The following SPTBN1 variants were observed in gnomAD, a reference collection of about 807,000 sequenced individuals.
The protein encoded by SPTBN1 is spectrin beta chain, non-erythrocytic 1.
In SPTBN1, 32 loss-of-function variants were observed where a neutral mutation model predicts 266.4. The ratio of observed to expected loss-of-function variants is 0.12; its 90% confidence interval spans 0.09 to 0.16. The LOEUF (loss-of-function observed/expected upper bound fraction) is 0.16. Among genes scored for constraint, SPTBN1 ranks in the 10% least tolerant of loss-of-function variants. The probability of loss-of-function intolerance (pLI) is 1.00; values close to 1 mark genes in which losing one functional copy is unlikely to be tolerated. For synonymous variants in SPTBN1, 1,336 were observed against 1,162.2 expected (o/e 1.15, Z -3.04); for missense variants, 2,296 against 3,067.1 (o/e 0.75, Z 5.94).
chr2:54,577,273 C>T (rs1674556731), intron 2 of SPTBN1, among the ~76,000 whole-genome samples: 2 of 152,146 alleles, frequency 1.3e-5, no homozygotes, highest in Admixed American at 6.5e-5. Context: ...TTGAAGGCCC[C>T]TGCAAATAAA....
At position 54,645,237 on chromosome 2, in the gene SPTBN1, G is replaced by A. The variant is rs1275055292; in HGVS notation, c.4278G>A (p.Glu1426=). The A allele has an allele frequency of 6.2e-7, 1 of 1,614,156 alleles. No homozygotes were observed. The highest frequency in any genetic ancestry group is 8.5e-7 in the Non-Finnish European group (1 of 1,180,026). ...TGCTTCTCTGCCCTCAGATGCTGGA[G>A]AATCAGATGGAAGTGCGGAAGAAGG... ...NILLKKQQML[E]NQMEVRKKEI... is the part of the protein sequence containing the mutation. Residue 1426 remains glutamate, a synonymous_variant, in exon 21 of 36, where the codon GAG becomes GAA. Transcript: ENST00000356805. This position sits in a 1 kb window ranked among gnomAD's most constrained non-coding sequence, Gnocchi z 4.3.
chr2:54,584,846 T>A (rs972058473), intron 2 of SPTBN1, among the ~76,000 whole-genome samples: 2 of 152,096 alleles, frequency 1.3e-5, no homozygotes, highest in African/African-American at 4.8e-5. Context: ...ACACCCAAAC[T>A]GACAAAACTA....
chr2:54,511,473 C>T (rs1669854792), intron 1 of SPTBN1, among the ~76,000 whole-genome samples: 1 of 152,168 alleles, frequency 6.6e-6, no homozygotes, highest in Admixed American at 6.5e-5. Context: ...TCGTGGAAGA[C>T]AGTTTTTCCA....
At chr2:54,620,242 A>G (rs1440339812) in intron 7 of SPTBN1, among the ~76,000 whole-genome samples, 12 of 152,236 alleles carry the variant, frequency 7.9e-5, no homozygotes, top group African/African-American at 2.9e-4. Flanking sequence ...TGCATAAAAA[A>G]TCATAACCTG....
At chr2:54,461,822 C>T (rs1693383449) in intron 1 of SPTBN1, among the ~76,000 whole-genome samples, 1 of 152,194 alleles carries the variant, frequency 6.6e-6, no homozygotes, top group Non-Finnish European at 1.5e-5. Context: ...GATTACATGT[C>T]TTGCGACAAT....
At chr2:54,551,783 C>G (rs1192483996) in intron 2 of SPTBN1, among the ~76,000 whole-genome samples, 1 of 152,170 alleles carries the variant, frequency 6.6e-6, no homozygotes, top group Non-Finnish European at 1.5e-5. Context: ...TTTCATGGAA[C>G]AGAGATAATA....
Position 54,628,673 on chromosome 2 carries a change from A to G in SPTBN1, c.1799-260A>G, listed in dbSNP as rs1678516830. Among the ~76,000 whole-genome samples, 1 of 152,064 alleles carries G rather than the reference A, an allele frequency of 6.6e-6. No individual in the cohort carries two copies. The highest frequency in any genetic ancestry group is 1.5e-5 in the Non-Finnish European group (1 of 68,002). ...TATATGCAGCTGCCTTTTTCATATG[A>G]TTCAAGTGCTTTCTTGCAGGAGGAT... is the stretch of plus-strand genomic sequence containing the variant. On this transcript the variant is annotated intron_variant, in intron 13 of 35. Transcript: ENST00000356805. The surrounding 1 kb of genome is among the most constrained non-coding windows in gnomAD (Gnocchi z 4.3).
intron 1 of SPTBN1, among the ~76,000 whole-genome samples, chr2:54,458,563 T>A (rs1404418770): frequency 6.6e-6 from 1 of 152,228 alleles, no homozygotes; most frequent in Non-Finnish European, 1.5e-5. Context: ...TACATATTTT[T>A]CACAGCTGTG....
intron 2 of SPTBN1, among the ~76,000 whole-genome samples, chr2:54,563,667 G>C (rs189602129): frequency 7.8e-6 from 1 of 128,060 alleles, no homozygotes. Flanking sequence ...GCAGTGGCGC[G>C]ATCTCGGCTC....
chr2:54,504,104 C>T (rs372268615), intron 1 of SPTBN1, among the ~76,000 whole-genome samples: 94 of 152,260 alleles, frequency 6.2e-4, no homozygotes, highest in African/African-American at 1.9e-3. Flanking sequence ...TTCAAATCTC[C>T]GTTAAAGCAA....
At chr2:54,481,181 GA>G (rs1180466905) in intron 1 of SPTBN1, among the ~76,000 whole-genome samples, 1 of 151,454 alleles carries the variant, frequency 6.6e-6, no homozygotes, top group Non-Finnish European at 1.5e-5. Context: ...TCCTAGAAAT[GA>G]AGAACAGGTT....
At chr2:54,507,418 C>A (rs1226011465) in intron 1 of SPTBN1, among the ~76,000 whole-genome samples, 1 of 151,932 alleles carries the variant, frequency 6.6e-6, no homozygotes, top group Non-Finnish European at 1.5e-5. Context: ...TTGAGCAGGA[C>A]TGGGGCAACA....
Position 54,631,111 on chromosome 2 carries a change from C to T in SPTBN1, c.3064C>T (p.Leu1022=). The change falls in exon 16 of 36, where the codon CTG becomes TTG. Residue 1022 remains leucine, a synonymous_variant. Transcript: ENST00000356805. ...LSDLQKEAEK[L]ESEHPDQAQA... ...TGACCTGCAGAAGGAGGCGGAGAAG[C>T]TGGAGTCCGAGCACCCCGACCAGGC... 6.8e-6 allele frequency: 11 copies of T among 1,614,176 alleles called. No individual in the cohort carries two copies. Among genetic ancestry groups the T allele is most frequent in the Non-Finnish European group, 9.3e-6 (11 of 1,180,036 alleles).
chr2:54,623,247 CA>C lies in SPTBN1; in HGVS notation c.1065-228del, dbSNP rs577249182. On this transcript the variant is annotated intron_variant, in intron 9 of 35. Transcript: ENST00000356805. Reference sequence around the variant, plus strand: ...GTTTAAACCTTGATTTAAGTGAATACAAAAGAGTATTGCATGCCTTTGACAC... The same window carrying C: ...GTTTAAACCTTGATTTAAGTGAATACAAAGAGTATTGCATGCCTTTGACAC... Among the ~76,000 whole-genome samples, 929 of 152,274 alleles carry C rather than the reference CA, an allele frequency of 6.1e-3. 5 individuals carry two copies. Among genetic ancestry groups the C allele is most frequent in the Middle Eastern group, 0.014 (4 of 294 alleles).
At chr2:54,605,712 A>G (rs1676789425) in intron 3 of SPTBN1, among the ~76,000 whole-genome samples, 1 of 152,230 alleles carries the variant, frequency 6.6e-6, no homozygotes, top group African/African-American at 2.4e-5. Flanking sequence ...TCTGAAGCAG[A>G]TAGAACACAC....
At chr2:54,479,970 T>G (rs1288468019) in intron 1 of SPTBN1, among the ~76,000 whole-genome samples, 1 of 152,148 alleles carries the variant, frequency 6.6e-6, no homozygotes, top group Non-Finnish European at 1.5e-5. Flanking sequence ...AACTTTGCTT[T>G]TAATAACATT....
At chr2:54,648,959 C>T (rs1206637844) in intron 24 of SPTBN1, 27 bp from the exon 25 acceptor site, 1 of 1,539,768 alleles carries the variant, frequency 6.5e-7, no homozygotes, top group East Asian at 2.4e-5. Context: ...GATCCTTTTT[C>T]TCCCCATTGC....
chr2:54,486,118 G>A (rs1348787673), intron 1 of SPTBN1, among the ~76,000 whole-genome samples: 4 of 143,084 alleles, frequency 2.8e-5, no homozygotes, highest in Admixed American at 6.9e-5. Flanking sequence ...CCCCACGCCC[G>A]GCCAGCCGCC....
chr2:54,565,672 G>C (rs1466965156), intron 2 of SPTBN1, among the ~76,000 whole-genome samples: 1 of 152,232 alleles, frequency 6.6e-6, no homozygotes, highest in Non-Finnish European at 1.5e-5. Context: ...CTTGGCATCT[G>C]TAAGGGAGAC....
Sources: gnomAD v4.1 joint callset for allele counts (sites outside exome capture counted in the v4.1 genomes callset) on GRCh38, gnomAD v4.1.1 for gene constraint, Gnocchi (gnomAD v3.1) non-coding constraint, MANE v1.5 for transcripts, NCBI Gene and HGNC (gene_info 2026-07-23, HGNC 2026-07-21) for gene names.